The following ANKRD42 variants were observed in gnomAD, a reference collection of about 807,000 sequenced individuals.
ANKRD42 encodes the protein ankyrin repeat domain 42.
ANKRD42 carries 43 observed loss-of-function variants against 51.5 expected under a neutral mutation model. The observed-to-expected ratio is 0.83, with a 90% CI of 0.65 to 1.08. ANKRD42 has a LOEUF of 1.08. Among genes scored for constraint, ANKRD42 ranks in the 50% least tolerant of loss-of-function variants. The pLI, the probability that ANKRD42 is intolerant of heterozygous loss-of-function variation, is 0.00. For missense variants in ANKRD42, 608 were observed against 629.3 expected (o/e 0.97, Z 0.36); for synonymous variants, 203 against 213.0 (o/e 0.95, Z 0.41).
downstream of ANKRD42, among the ~76,000 whole-genome samples, chr11:83,258,566 G>T (rs1863811785): frequency 6.6e-6 from 1 of 152,122 alleles, no homozygotes; most frequent in African/African-American, 2.4e-5. Flanking sequence ...TTCTTCAGCT[G>T]TAAAATGAGG....
rs566751936 is a variant in ANKRD42, at chr11:83,232,473, A to C, written c.914-3931A>C. 9.9e-5 allele frequency among the ~76,000 whole-genome samples: 15 copies of C among 152,280 alleles called. No homozygotes were observed. In the South Asian group the frequency reaches 2.9e-3, roughly 29 times the overall value. On this transcript the variant is annotated intron_variant, in intron 7 of 10. Transcript: ENST00000533342. The stretch of plus-strand genomic sequence containing the variant: ...TGCAACTTTACTGAATTTGCTTATC[A>C]ATTCTAATAGGTTTTTTGTGTGGGG...
At chr11:83,263,831 A>T (rs1864076998), downstream of ANKRD42, among the ~76,000 whole-genome samples, 1 of 152,168 alleles carries the variant, frequency 6.6e-6, no homozygotes, top group South Asian at 2.1e-4. Flanking sequence ...TTCTGATTCC[A>T]ATTATGCTTG....
intron 5 of ANKRD42, chr11:83,213,026 G>T: frequency 6.3e-7 from 1 of 1,599,746 alleles, no homozygotes; most frequent in East Asian, 2.2e-5. Flanking sequence ...CAGACCCCTT[G>T]TGAAGCCCAG....
At chr11:83,210,276 T>C in intron 3 of ANKRD42, 24 bp from the exon 4 acceptor site, 1 of 1,609,120 alleles carries the variant, frequency 6.2e-7, no homozygotes, top group Non-Finnish European at 8.5e-7. Context: ...TCATGTAAAG[T>C]CTTTCCTATT....
At chr11:83,212,925 T>G (rs1280895615) in intron 5 of ANKRD42, 1 of 1,484,020 alleles carries the variant, frequency 6.7e-7, no homozygotes. Flanking sequence ...AAAGTAAAAT[T>G]TAAATTGAAG....
chr11:83,230,965 G>A (rs1863052636), intron 7 of ANKRD42, among the ~76,000 whole-genome samples: 1 of 152,200 alleles, frequency 6.6e-6, no homozygotes, highest in Non-Finnish European at 1.5e-5. Flanking sequence ...TCTGTTGGTG[G>A]ACACTTAGAT....
chr11:83,242,576 T>TG (rs1863424608), intron 9 of ANKRD42, among the ~76,000 whole-genome samples: 1 of 144,948 alleles, frequency 6.9e-6, no homozygotes, highest in Admixed American at 6.8e-5. Flanking sequence ...AGTTTTTTTT[T>TG]TTTTTTTTTA....
chr11:83,248,509 T>A lies in ANKRD42; in HGVS notation c.*305T>A, dbSNP rs1863610784. The A allele has an allele frequency of 9.6e-7, 1 of 1,039,270 alleles. No homozygotes were observed. Among genetic ancestry groups the A allele is most frequent in the Non-Finnish European group, 1.2e-6 (1 of 865,498 alleles). The allele number at this position is 1,039,270 out of a possible 1,614,324, so 64.4% of individuals were successfully genotyped here. The stretch of plus-strand genomic sequence containing the variant: ...GCTAGAGGATATGTATATTTTAATA[T>A]TCTAAATAACCAAAATAAAGTGCTT... On this transcript the variant is annotated 3_prime_UTR_variant, in exon 11 of 11. Coordinates refer to ENST00000533342, the MANE Select transcript of ANKRD42 (RefSeq NM_001300975.2).
intron 5 of ANKRD42, chr11:83,212,734 A>G (rs1862373402): frequency 1.3e-6 from 2 of 1,535,876 alleles, no homozygotes; most frequent in African/African-American, 1.4e-5. Flanking sequence ...ACCTACCTGC[A>G]TGGCCTCATC....
intron 1 of ANKRD42, among the ~76,000 whole-genome samples, chr11:83,195,569 A>G (rs765491814): frequency 7.9e-5 from 12 of 152,078 alleles, no homozygotes; most frequent in Non-Finnish European, 1.6e-4. Context: ...CCAAAATGTA[A>G]TTTTATATCT....
At position 83,228,231 on chromosome 11, in the gene ANKRD42, CT is replaced by C. The variant is rs11403803; in HGVS notation, c.913+397del. ...AAATAGAAATCATCCCTCTCTCTCT[CT>C]TTTTTTTTTTTTTTTTTTTTTTTTT... On this transcript the variant is annotated intron_variant, in intron 7 of 10. Coordinates refer to ENST00000533342, the MANE Select transcript of ANKRD42 (RefSeq NM_001300975.2). Among the ~76,000 whole-genome samples, 44 of 58,900 alleles carry C rather than the reference CT, an allele frequency of 7.5e-4. 1 individual carries two copies. The highest frequency in any genetic ancestry group is 9.1e-4 in the Non-Finnish European group (28 of 30,700). 38.6% of individuals were successfully genotyped at this position (58,900 alleles called of 152,430 possible). A position where few individuals can be genotyped will look rare whatever the true frequency, so the allele number is the denominator to read the frequency against.
intron 5 of ANKRD42, among the ~76,000 whole-genome samples, chr11:83,219,904 A>G (rs1037063069): frequency 3.3e-5 from 5 of 152,244 alleles, no homozygotes; most frequent in Non-Finnish European, 5.9e-5. Flanking sequence ...CCTGGAGGGC[A>G]CCATGAACAG....
Position 83,200,720 on chromosome 11 carries a change from A to C in ANKRD42, c.222+2078A>C, listed in dbSNP as rs572012727. On this transcript the variant is annotated intron_variant, in intron 2 of 10. Coordinates refer to ENST00000533342, the MANE Select transcript of ANKRD42 (RefSeq NM_001300975.2). ...TTTTATTTTTTTGTGTGTGTGGTCCACCTGTAGTCCATATACTATATACAA... is the reference window on the plus strand; with the variant it reads ...TTTTATTTTTTTGTGTGTGTGGTCCCCCTGTAGTCCATATACTATATACAA... 7.9e-4 allele frequency among the ~76,000 whole-genome samples: 121 copies of C among 152,254 alleles called. 4 individuals carry two copies. The South Asian group carries it at 0.024, about 30-fold the overall frequency.
chr11:83,261,662 T>A (rs1302706690), downstream of ANKRD42: 3 of 296,932 alleles, frequency 1.0e-5, no homozygotes, highest in Admixed American at 5.1e-5. Flanking sequence ...AAGGACAAAA[T>A]GCTCTTCTAT....
intron 2 of ANKRD42, among the ~76,000 whole-genome samples, chr11:83,199,085 T>C (rs1861771673): frequency 6.6e-6 from 1 of 152,226 alleles, no homozygotes; most frequent in South Asian, 2.1e-4. Flanking sequence ...CCTCACAATA[T>C]GGTGACTGGG....
intron 10 of ANKRD42, 26 bp downstream of exon 10, chr11:83,245,650 T>C (rs1431781944): frequency 1.3e-6 from 2 of 1,521,316 alleles, no homozygotes; most frequent in Non-Finnish European, 1.8e-6. Flanking sequence ...CTTTAATGAT[T>C]TGTTTTTAAA....
chr11:83,261,490 G>T (rs780835347), downstream of ANKRD42: 24 of 153,086 alleles, frequency 1.6e-4, no homozygotes, highest in Non-Finnish European at 2.8e-4. Context: ...ATAGAAAAAT[G>T]TAATTATGCA....
intron 5 of ANKRD42, among the ~76,000 whole-genome samples, chr11:83,216,297 T>C (rs1486509414): frequency 2.0e-5 from 3 of 152,176 alleles, no homozygotes; most frequent in African/African-American, 7.2e-5. Context: ...TTAGTGTTTC[T>C]TCTTCCTGAT....
chr11:83,200,085 G>T (rs557282265), intron 2 of ANKRD42, among the ~76,000 whole-genome samples: 21 of 151,828 alleles, frequency 1.4e-4, no homozygotes, highest in African/African-American at 3.6e-4. Context: ...GGGTTTTTTT[G>T]CTCTTTGCTT....
Sources: gnomAD v4.1 joint callset for allele counts (sites outside exome capture counted in the v4.1 genomes callset) on GRCh38, gnomAD v4.1.1 for gene constraint, MANE v1.5 for transcripts, NCBI Gene and HGNC (gene_info 2026-07-23, HGNC 2026-07-21) for gene names.